Variants in MAGI2 observed in about 807,000 individuals in gnomAD.
MAGI2 encodes membrane-associated guanylate kinase, WW and PDZ domain-containing protein 2.
MAGI2 carries 35 observed loss-of-function variants against 133.3 expected under a neutral mutation model. That is an observed-to-expected ratio of 0.26 (90% CI 0.20 to 0.35). MAGI2 has a LOEUF of 0.35. MAGI2 is among the 10% of genes least tolerant of loss of function. MAGI2 has a pLI of 1.00. For missense variants in MAGI2, 1,636 were observed against 1,863.4 expected, an observed-to-expected ratio of 0.88 and a Z score of 2.25; for synonymous variants, 729 against 710.6, an observed-to-expected ratio of 1.03 and a Z score of -0.41.
At chr7:78,580,192 AAAAT>A (rs1362062357) in intron 3 of MAGI2, among the ~76,000 whole-genome samples, 1 of 152,230 alleles carries the variant, frequency 6.6e-6, no homozygotes, top group Non-Finnish European at 1.5e-5. Flanking sequence ...TTGAAATTTA[AAAAT>A]TAATAAGATA....
At chr7:78,058,080 A>G (rs1469991242) in intron 21 of MAGI2, among the ~76,000 whole-genome samples, 1 of 150,290 alleles carries the variant, frequency 6.7e-6, no homozygotes, top group Non-Finnish European at 1.5e-5. Context: ...GTGAATTTTC[A>G]TAAGGAATAG....
At chr7:78,952,530 G>A (rs569399034) in intron 2 of MAGI2, among the ~76,000 whole-genome samples, 10 of 152,166 alleles carry the variant, frequency 6.6e-5, no homozygotes, top group African/African-American at 2.2e-4. Context: ...CCCATTCAGC[G>A]TTCCATAAAA....
At chr7:79,420,326 CAT>C (rs1316135673) in intron 1 of MAGI2, among the ~76,000 whole-genome samples, 13 of 152,000 alleles carry the variant, frequency 8.6e-5, no homozygotes, top group African/African-American at 3.1e-4. Context: ...AAATATAACA[CAT>C]GACATTAAAA....
chr7:78,929,531 T>C (rs1799953733), intron 2 of MAGI2, among the ~76,000 whole-genome samples: 1 of 151,988 alleles, frequency 6.6e-6, no homozygotes, highest in Non-Finnish European at 1.5e-5. Context: ...GAGGGGAGAC[T>C]CTCTTGCCTT....
chr7:78,147,489 A>C (rs550559459), intron 16 of MAGI2, among the ~76,000 whole-genome samples: 1 of 150,626 alleles, frequency 6.6e-6, no homozygotes, highest in African/African-American at 2.4e-5. Flanking sequence ...GCAAATATAC[A>C]TTTCCATAAT....
At chr7:78,612,071 T>C (rs1160914254) in intron 3 of MAGI2, among the ~76,000 whole-genome samples, 1 of 152,240 alleles carries the variant, frequency 6.6e-6, no homozygotes, top group African/African-American at 2.4e-5. Context: ...ATCTCTACTC[T>C]CTTATACAAT....
At chr7:78,951,012 C>T (rs978221071) in intron 2 of MAGI2, among the ~76,000 whole-genome samples, 1 of 147,332 alleles carries the variant, frequency 6.8e-6, no homozygotes, top group African/African-American at 2.5e-5. Context: ...TCCTCTGTCA[C>T]CCAAGCGGGA....
At chr7:78,159,126 T>C (rs1265608637) in intron 16 of MAGI2, among the ~76,000 whole-genome samples, 2 of 152,186 alleles carry the variant, frequency 1.3e-5, no homozygotes, top group African/African-American at 4.8e-5. Context: ...GGGAGACTGA[T>C]TTGAGTAATA....
At chr7:78,186,470 T>C (rs1341767811) in intron 12 of MAGI2, among the ~76,000 whole-genome samples, 1 of 152,196 alleles carries the variant, frequency 6.6e-6, no homozygotes, top group Non-Finnish European at 1.5e-5. Context: ...TGCAACTCCT[T>C]ACTGCATGTT....
At chr7:78,329,762 C>T (rs780841387) in intron 9 of MAGI2, among the ~76,000 whole-genome samples, 11 of 152,092 alleles carry the variant, frequency 7.2e-5, no homozygotes, top group Non-Finnish European at 1.6e-4. Flanking sequence ...ATCTGTAAAA[C>T]GTGCCTAGCA....
intron 1 of MAGI2, among the ~76,000 whole-genome samples, chr7:79,101,723 C>CAAAA (rs376256842): frequency 8.9e-6 from 1 of 112,704 alleles, no homozygotes; most frequent in Non-Finnish European, 1.7e-5. Context: ...GACTCTGTCA[C>CAAAA]AAAAAAAAAA....
Position 78,424,267 on chromosome 7 carries a change from G to A in MAGI2, c.1046-55054C>T, listed in dbSNP as rs60648341. ...AGGATGGAAGCCCCAAACCTTGGCC[G>A]CTTCCATGTGGCATTGAGCCTGCAG... On this transcript the variant is annotated intron_variant, in intron 6 of 21. Transcript: ENST00000354212. 3.0e-3 allele frequency among the ~76,000 whole-genome samples: 457 copies of A among 152,288 alleles called. 2 individuals are homozygous for A. The highest frequency in any genetic ancestry group is 0.01 in the African/African-American group (426 of 41,568).
chr7:78,194,963 G>A lies in MAGI2; in HGVS notation c.2180C>T (p.Ser727Phe). 1 of 1,614,142 alleles carries A rather than the reference G, an allele frequency of 6.2e-7. No individual in the cohort carries two copies. Among genetic ancestry groups the A allele is most frequent in the Non-Finnish European group, 8.5e-7 (1 of 1,179,982 alleles). ...AAAGGCCTCTGTTGAGTCAGGAAAGGAGCTCCTGTGAAGGGCAGGTGGGAA... is the reference window on the plus strand; with the variant it reads ...AAAGGCCTCTGTTGAGTCAGGAAAGAAGCTCCTGTGAAGGGCAGGTGGGAA... ...LPFPPALHRS[S>F]FPDSTEAFDP... Residue 727 changes from serine to phenylalanine, a missense_variant, in exon 12 of 22, where the codon TCC becomes TTC. By Grantham distance (155) the Ser-to-Phe change is radical. Around this residue, in one of 5 missense-constraint regions of MAGI2, gnomAD observed 920 missense variants for 1,093.5 expected, o/e 0.84. Coordinates refer to ENST00000354212, the MANE Select transcript of MAGI2 (RefSeq NM_012301.4).
At chr7:78,531,302 C>CT (rs1797452222) in intron 3 of MAGI2, among the ~76,000 whole-genome samples, 1 of 151,388 alleles carries the variant, frequency 6.6e-6, no homozygotes, top group Non-Finnish European at 1.5e-5. Flanking sequence ...CAATCTCTGC[C>CT]TCCTGGGTTC....
intron 3 of MAGI2, among the ~76,000 whole-genome samples, chr7:78,595,810 C>T (rs926550761): frequency 3.9e-5 from 6 of 152,118 alleles, no homozygotes; most frequent in African/African-American, 1.4e-4. Context: ...TATCGGTAGA[C>T]TCTCAGAAGC....
intron 1 of MAGI2, among the ~76,000 whole-genome samples, chr7:79,317,425 A>G (rs1308628074): frequency 6.6e-6 from 1 of 152,094 alleles, no homozygotes; most frequent in African/African-American, 2.4e-5. Flanking sequence ...CTGACTGTCC[A>G]ATAGAATACA....
At chr7:78,913,660 T>C (rs1798581256) in intron 2 of MAGI2, among the ~76,000 whole-genome samples, 1 of 152,230 alleles carries the variant, frequency 6.6e-6, no homozygotes, top group Non-Finnish European at 1.5e-5. Flanking sequence ...TTTCCATGTT[T>C]GTATTTAATG....
At chr7:78,469,299 T>A (rs986375953) in intron 6 of MAGI2, among the ~76,000 whole-genome samples, 3 of 152,154 alleles carry the variant, frequency 2.0e-5, no homozygotes, top group Non-Finnish European at 4.4e-5. Context: ...AAGCACTGCA[T>A]CATTTTATTT....
chr7:78,282,429 T>A (rs1486781214), intron 9 of MAGI2, among the ~76,000 whole-genome samples: 1 of 152,136 alleles, frequency 6.6e-6, no homozygotes, highest in Non-Finnish European at 1.5e-5. Flanking sequence ...GCCAACGTCA[T>A]GTTTTTACAT....
Sources: gnomAD v4.1 joint callset for allele counts (sites outside exome capture counted in the v4.1 genomes callset) on GRCh38, gnomAD v4.1.1 for gene constraint, gnomAD v4.1.1 regional missense constraint, MANE v1.5 for transcripts, NCBI Gene and HGNC (gene_info 2026-07-23, HGNC 2026-07-21) for gene names.